Variants in LRRN2 observed in about 807,000 individuals in gnomAD.
LRRN2 encodes the protein leucine rich repeat neuronal 2.
Under a neutral mutation model 35.7 loss-of-function variants are expected in LRRN2, and 10 were observed. The ratio of observed to expected loss-of-function variants is 0.28; its 90% CI spans 0.17 to 0.47. The LOEUF is 0.47. Among genes scored for constraint, LRRN2 ranks in the 20% least tolerant of loss-of-function variants. The probability of loss-of-function intolerance (pLI) is 0.99; values close to 1 mark genes in which losing one functional copy is unlikely to be tolerated. For missense variants in LRRN2, 731 were observed against 940.3 expected, an observed-to-expected ratio of 0.78 and a Z score of 2.91; for synonymous variants, 391 against 409.6, an observed-to-expected ratio of 0.95 and a Z score of 0.55.
chr1:204,630,197 C>T (rs7531829), intron 1 of LRRN2, among the ~76,000 whole-genome samples: 57,724 of 151,920 alleles, frequency 0.38, 12,152 homozygotes, highest in Admixed American at 0.48. Flanking sequence ...CCTGGATGAA[C>T]AGAGGGAAGC....
chr1:204,662,504 T>C (rs752992358), intron 1 of LRRN2, among the ~76,000 whole-genome samples: 12 of 152,342 alleles, frequency 7.9e-5, no homozygotes, highest in East Asian at 1.9e-4. Context: ...CTCGGCTCCA[T>C]ATGACTCGAG....
intron 1 of LRRN2, among the ~76,000 whole-genome samples, chr1:204,641,621 A>T (rs1347023628): frequency 6.6e-6 from 1 of 152,230 alleles, no homozygotes; most frequent in Admixed American, 6.5e-5. Context: ...TGATGGTGAA[A>T]TGGAGGCTCA....
chr1:204,659,454 G>C (rs1383311357), intron 1 of LRRN2, among the ~76,000 whole-genome samples: 1 of 152,170 alleles, frequency 6.6e-6, no homozygotes, highest in Non-Finnish European at 1.5e-5. Context: ...CAGAGGAGGA[G>C]GAGGGAGAGG....
At chr1:204,642,433 A>C (rs987852774) in intron 1 of LRRN2, among the ~76,000 whole-genome samples, 6 of 152,208 alleles carry the variant, frequency 3.9e-5, no homozygotes, top group African/African-American at 1.2e-4. Flanking sequence ...CCACTGGCAG[A>C]GGGGTGAAAT....
intron 1 of LRRN2, chr1:204,620,779 C>A (rs746971935): frequency 2.0e-4 from 34 of 167,120 alleles, no homozygotes; most frequent in Non-Finnish European, 3.7e-4. Context: ...AGTGGATGGG[C>A]TGAAATTATT....
In LRRN2 at chr1:204,618,817, C is replaced by A. The variant is rs115242471; in HGVS notation, c.1176G>T (p.Pro392=). 3 of 1,613,942 alleles carry A rather than the reference C, an allele frequency of 1.9e-6. No homozygotes were observed. The African/African-American group carries it at 4.0e-5, about 22-fold the overall frequency. Residue 392 remains proline, a synonymous_variant, in exon 2 of 2, where the codon CCG becomes CCT. Transcript: ENST00000367177. Reference sequence around the variant, plus strand: ...GAGGCTCCGCACACAGGGTGGATTGCGGCTCGATGAAGCGGACACGGGTGC... The same window carrying A: ...GAGGCTCCGCACACAGGGTGGATTGAGGCTCGATGAAGCGGACACGGGTGC... ...ATGTRVRFIE[P]QSTLCAEPPD... is the part of the protein sequence containing the mutation.
intron 1 of LRRN2, among the ~76,000 whole-genome samples, chr1:204,635,627 A>G (rs542571272): frequency 3.3e-5 from 5 of 152,326 alleles, no homozygotes; most frequent in Admixed American, 1.3e-4. Context: ...GCTGGCTCCC[A>G]GAACCGTTCA....
intron 1 of LRRN2, among the ~76,000 whole-genome samples, chr1:204,652,574 G>A (rs1336882235): frequency 1.3e-5 from 2 of 152,062 alleles, no homozygotes; most frequent in Admixed American, 6.6e-5. Context: ...AAAGATTAGA[G>A]ATGTCAAAAA....
At position 204,619,971 on chromosome 1, in the gene LRRN2, G is replaced by A. The variant is rs1042646006; in HGVS notation, c.22C>T (p.Leu8Phe). Residue 8 changes from leucine (L) to phenylalanine (F), a missense_variant, in exon 2 of 2, where the codon CTC becomes TTC. Coordinates refer to ENST00000367177, the MANE Select transcript of LRRN2 (RefSeq NM_201630.2). Reference sequence around the variant, plus strand: ...GCACCAGCCACCCAAGCTAGCAAGAGTGGGGCCACGAGAAGCCTCATGGTG... The same window carrying A: ...GCACCAGCCACCCAAGCTAGCAAGAATGGGGCCACGAGAAGCCTCATGGTG... The part of the protein sequence containing the change: MRLLVAP[L>F]LLAWVAGATA... 4 of 1,611,474 alleles carry A rather than the reference G, an allele frequency of 2.5e-6. No individual in the cohort carries two copies. The highest frequency in any genetic ancestry group is 3.4e-6 in the Non-Finnish European group (4 of 1,179,236).
At chr1:204,667,751 C>T (rs1172723175) in intron 1 of LRRN2, among the ~76,000 whole-genome samples, 1 of 152,090 alleles carries the variant, frequency 6.6e-6, no homozygotes, top group Admixed American at 6.6e-5. Context: ...GGAGAGGAGA[C>T]TATGAAGGGC....
rs1666755927 is a variant in LRRN2, at chr1:204,620,022, CAAG to C, written c.-33_-31del. The stretch of plus-strand genomic sequence containing the variant: ...GAGCTGCAGGGCAGGGGACCATTCA[CAAG>C]AAGAGTCTGGAGTCCTGCTCTTTGT... On this transcript the variant is annotated 5_prime_UTR_variant, in exon 2 of 2. Transcript: ENST00000367177. 1.9e-6 allele frequency: 3 copies of C among 1,583,466 alleles called. No individual in the cohort carries two copies. The South Asian group carries it at 3.5e-5, about 18-fold the overall frequency.
chr1:204,629,197 A>G (rs886221415), intron 1 of LRRN2: 12 of 152,330 alleles, frequency 7.9e-5, no homozygotes, highest in African/African-American at 2.9e-4. Flanking sequence ...CTCCTGTCCC[A>G]TGCCTTCACA....
intron 1 of LRRN2, chr1:204,628,782 A>G (rs926055875): frequency 2.0e-5 from 3 of 152,188 alleles, no homozygotes; most frequent in Non-Finnish European, 4.4e-5. Flanking sequence ...CAGTTCATTT[A>G]AAGATCATTG....
intron 1 of LRRN2, among the ~76,000 whole-genome samples, chr1:204,631,223 C>G (rs1432042644): frequency 2.8e-5 from 3 of 107,604 alleles, no homozygotes. Context: ...GATTAGAAGT[C>G]TACAAACCAA....
chr1:204,661,766 G>C (rs1021146733), intron 1 of LRRN2, among the ~76,000 whole-genome samples: 4 of 152,204 alleles, frequency 2.6e-5, no homozygotes, highest in Middle Eastern at 3.2e-3. Flanking sequence ...CTGCAGCATA[G>C]AGAAAGTACG....
At position 204,629,528 on chromosome 1, in the gene LRRN2, A is replaced by G. The variant is rs145174072; in HGVS notation, c.-226-9310T>C. 8.8e-3 allele frequency: 1,350 copies of G among 153,938 alleles called. 14 individuals carry two copies. Among genetic ancestry groups the G allele is most frequent in the African/African-American group, 0.03 (1,227 of 41,496 alleles). The allele number at this position is 153,938 out of a possible 1,614,324, so 9.5% of individuals were successfully genotyped here. On this transcript the variant is annotated intron_variant, in intron 1 of 1. Transcript: ENST00000367177. ...TCATGGGGGCAGTTTCCCCCATACT[A>G]TTGTTGTGGTAGTGAATAAGTCTCA... is the stretch of plus-strand genomic sequence containing the variant.
Position 204,618,328 on chromosome 1 carries a change from G to C in LRRN2, c.1665C>G (p.Asn555Lys). The change falls in exon 2 of 2, where the codon AAC becomes AAG. Residue 555 changes from asparagine (N) to lysine (K), a missense_variant. By Grantham distance (94) the Asn-to-Lys change is moderately conservative. Transcript: ENST00000367177. ...WVTPPNTVSTNLTWSSASSLR... is the reference protein window; with the variant it reads ...WVTPPNTVSTKLTWSSASSLR... ...GGGAGGAGGCACTGGACCAGGTGAG[G>C]TTGGTGGACACTGTGTTGGGTGGGG... The C allele has an allele frequency of 6.3e-7, 1 of 1,594,376 alleles. No homozygotes were observed. The highest frequency in any genetic ancestry group is 8.6e-7 in the Non-Finnish European group (1 of 1,169,528).
At position 204,641,198 on chromosome 1, in the gene LRRN2, C is replaced by T. The variant is rs541975546; in HGVS notation, c.-226-20980G>A. ...CATCTGTCCACAGCTGGCTATCCAACCTCAGACTGGTATCACCCTTGTTAT... is the reference window on the plus strand; with the variant it reads ...CATCTGTCCACAGCTGGCTATCCAATCTCAGACTGGTATCACCCTTGTTAT... On this transcript the variant is annotated intron_variant, in intron 1 of 1. Coordinates refer to ENST00000367177, the MANE Select transcript of LRRN2 (RefSeq NM_201630.2). 2.9e-3 allele frequency among the ~76,000 whole-genome samples: 442 copies of T among 152,328 alleles called. 1 individual carries two copies. Among genetic ancestry groups the T allele is most frequent in the Middle Eastern group, 6.8e-3 (2 of 294 alleles).
intron 1 of LRRN2, among the ~76,000 whole-genome samples, chr1:204,671,991 C>G (rs1012087831): frequency 6.6e-6 from 1 of 152,206 alleles, no homozygotes; most frequent in African/African-American, 2.4e-5. Flanking sequence ...GGATGATGGA[C>G]AGACATACAG....
Sources: gnomAD v4.1 joint callset for allele counts (sites outside exome capture counted in the v4.1 genomes callset) on GRCh38, gnomAD v4.1.1 for gene constraint, MANE v1.5 for transcripts, NCBI Gene and HGNC (gene_info 2026-07-23, HGNC 2026-07-21) for gene names.